Variants in NBAS observed in about 807,000 individuals in gnomAD.
The protein encoded by NBAS is NBAS subunit of NRZ tethering complex.
Under a neutral mutation model 302.5 loss-of-function variants are expected in NBAS, and 219 were observed. The ratio of observed to expected loss-of-function variants is 0.72; its 90% CI spans 0.65 to 0.81. The LOEUF (loss-of-function observed/expected upper bound fraction) is 0.81. Ranked by LOEUF, NBAS falls within the 30% of genes least tolerant of loss-of-function variation. The pLI is 0.00. For missense variants in NBAS, 2,932 were observed against 2,841.6 expected (o/e 1.03, Z -0.72); for synonymous variants, 1,118 against 1,021.6 (o/e 1.09, Z -1.80).
At chr2:15,488,412 C>A (rs1313298493) in intron 12 of NBAS, among the ~76,000 whole-genome samples, 1 of 152,134 alleles carries the variant, frequency 6.6e-6, no homozygotes, top group Non-Finnish European at 1.5e-5. Context: ...CCTATCATTC[C>A]AGGACACTAA....
At chr2:15,439,976 A>C (rs144054482) in intron 21 of NBAS, among the ~76,000 whole-genome samples, 1,939 of 152,352 alleles carry the variant, frequency 0.013, 31 homozygotes, top group East Asian at 0.06. Flanking sequence ...CATTGCCCAG[A>C]CTTGCTTAGG....
chr2:15,086,571 G>A, the NBAS span, among the ~76,000 whole-genome samples: 1 of 152,208 alleles, frequency 6.6e-6, no homozygotes, highest in Non-Finnish European at 1.5e-5. Context: ...AGCTTCCCAA[G>A]TTAGGGATGT....
intron 48 of NBAS, among the ~76,000 whole-genome samples, chr2:15,212,335 C>T (rs714329): frequency 0.078 from 11,944 of 152,200 alleles, 820 homozygotes; most frequent in East Asian, 0.32. Flanking sequence ...TCCGTGTTGC[C>T]TGAGCAGCAC....
intron 11 of NBAS, among the ~76,000 whole-genome samples, chr2:15,494,729 T>G (rs923612655): frequency 6.6e-6 from 1 of 151,810 alleles, no homozygotes; most frequent in African/African-American, 2.4e-5. Context: ...AAAAGGAGGG[T>G]ATCAGAATCA....
At chr2:15,051,627 C>T in the NBAS span, among the ~76,000 whole-genome samples, 2 of 152,186 alleles carry the variant, frequency 1.3e-5, no homozygotes, top group South Asian at 4.1e-4. Context: ...TTTTACATCG[C>T]AAACCATTCC....
At chr2:15,226,442 A>G (rs1667154331) in intron 47 of NBAS, among the ~76,000 whole-genome samples, 1 of 152,218 alleles carries the variant, frequency 6.6e-6, no homozygotes, top group Non-Finnish European at 1.5e-5. Flanking sequence ...ACGAACTAGA[A>G]ATTGATATTT....
intron 25 of NBAS, 22 bp downstream of exon 25, chr2:15,415,524 T>G (rs1217124358): frequency 6.2e-7 from 1 of 1,611,370 alleles, no homozygotes; most frequent in African/African-American, 1.3e-5. Flanking sequence ...CCCAGAATTT[T>G]AAGAAGTTAG....
the NBAS span, among the ~76,000 whole-genome samples, chr2:14,840,490 C>G: frequency 6.6e-6 from 1 of 151,994 alleles, no homozygotes; most frequent in Non-Finnish European, 1.5e-5. Flanking sequence ...ATAAAACTTT[C>G]TGAGATCAAG....
chr2:15,005,744 G>A, the NBAS span, among the ~76,000 whole-genome samples: 72 of 152,320 alleles, frequency 4.7e-4, 1 homozygote, highest in Non-Finnish European at 9.3e-4. Flanking sequence ...CAAGAGTTGA[G>A]AACACTGCAC....
intron 44 of NBAS, among the ~76,000 whole-genome samples, chr2:15,268,996 G>A (rs138446294): frequency 6.6e-6 from 1 of 152,318 alleles, no homozygotes; most frequent in East Asian, 1.9e-4. Flanking sequence ...GTCCTTAGGG[G>A]TTTAAGTTTC....
chr2:15,074,106 TAGAC>T, the NBAS span, among the ~76,000 whole-genome samples: 1 of 152,094 alleles, frequency 6.6e-6, no homozygotes, highest in African/African-American at 2.4e-5. Flanking sequence ...GGTTCAGGAA[TAGAC>T]AGAGCAACAG....
the NBAS span, among the ~76,000 whole-genome samples, chr2:14,898,801 C>A: frequency 6.6e-6 from 1 of 152,196 alleles, no homozygotes; most frequent in African/African-American, 2.4e-5. Flanking sequence ...TCAATTAAAT[C>A]TCTTTCCTTT....
the NBAS span, among the ~76,000 whole-genome samples, chr2:14,799,615 C>T: frequency 2.4e-3 from 365 of 152,254 alleles, no homozygotes; most frequent in African/African-American, 8.0e-3. Flanking sequence ...TCTATATCCT[C>T]ACCAAGCTTC....
rs1341721879 is a variant in NBAS at position 15,226,421 on chromosome 2, A to G, written c.6236+6001T>C. Among the ~76,000 whole-genome samples, 3 of 152,262 alleles carry G rather than the reference A, an allele frequency of 2.0e-5. No homozygotes were observed. The East Asian group carries it at 5.8e-4, about 29-fold the overall frequency. ...GAAAACTTACTTTTCTTAAGCAAACAAATTCTTAACACGAACTAGAAATTG... is the reference window on the plus strand; with the variant it reads ...GAAAACTTACTTTTCTTAAGCAAACGAATTCTTAACACGAACTAGAAATTG... On this transcript the variant is annotated intron_variant, in intron 47 of 51. Coordinates refer to ENST00000281513, the MANE Select transcript of NBAS (RefSeq NM_015909.4).
At chr2:15,061,554 CA>C in the NBAS span, among the ~76,000 whole-genome samples, 5 of 152,210 alleles carry the variant, frequency 3.3e-5, no homozygotes, top group African/African-American at 4.8e-5. Context: ...CTGATGTCAT[CA>C]AGGTCACAGG....
intron 47 of NBAS, among the ~76,000 whole-genome samples, chr2:15,223,049 T>C (rs1178337568): frequency 6.6e-6 from 1 of 152,216 alleles, no homozygotes; most frequent in East Asian, 1.9e-4. Context: ...GAGTCATAGA[T>C]GTGCTTCACT....
intron 38 of NBAS, among the ~76,000 whole-genome samples, chr2:15,326,176 A>C (rs1349997358): frequency 6.6e-6 from 1 of 152,232 alleles, no homozygotes. Context: ...AGTTTGAAAT[A>C]CTGTGAGAAT....
chr2:15,337,850 A>G (rs957199602), intron 35 of NBAS, among the ~76,000 whole-genome samples: 1 of 152,248 alleles, frequency 6.6e-6, no homozygotes, highest in African/African-American at 2.4e-5. Context: ...AAAAGAGGTT[A>G]GGCAAAACTT....
chr2:14,896,890 CATA>C, the NBAS span, among the ~76,000 whole-genome samples: 2 of 152,044 alleles, frequency 1.3e-5, no homozygotes, highest in Non-Finnish European at 2.9e-5. Flanking sequence ...TAAAAATTTG[CATA>C]ACATTTGATC....
Sources: allele counts gnomAD v4.1 joint callset (sites outside exome capture counted in the v4.1 genomes callset), GRCh38; gene constraint gnomAD v4.1.1; transcripts MANE v1.5; gene names NCBI Gene and HGNC (gene_info 2026-07-23, HGNC 2026-07-21).